Variants in GRIN2A observed in about 807,000 individuals in gnomAD.
GRIN2A encodes glutamate ionotropic receptor NMDA type subunit 2A.
A neutral mutation model predicts 113.4 loss-of-function variants in GRIN2A; 22 were observed. The ratio of observed to expected loss-of-function variants is 0.19; its 90% CI spans 0.14 to 0.28. The LOEUF (loss-of-function observed/expected upper bound fraction) is 0.28. Among genes scored for constraint, GRIN2A ranks in the 10% least tolerant of loss-of-function variants. GRIN2A has a pLI of 1.00. For missense variants in GRIN2A, 1,502 were observed against 1,887.0 expected, an observed-to-expected ratio of 0.80 and a Z score of 3.78; for synonymous variants, 827 against 738.4, an observed-to-expected ratio of 1.12 and a Z score of -1.94.
At chr16:10,008,250 A>T (rs1424630708) in intron 2 of GRIN2A, among the ~76,000 whole-genome samples, 1 of 152,174 alleles carries the variant, frequency 6.6e-6, no homozygotes. Context: ...TGGCTATGCA[A>T]CAGCTGTGCC....
intron 2 of GRIN2A, among the ~76,000 whole-genome samples, chr16:10,106,285 G>A (rs1223377295): frequency 6.7e-6 from 1 of 149,436 alleles, no homozygotes; most frequent in African/African-American, 2.5e-5. Flanking sequence ...AAAGTGGTCT[G>A]GCACAGTGGC....
chr16:9,859,448 A>G (rs951171778), intron 4 of GRIN2A, among the ~76,000 whole-genome samples: 1 of 152,112 alleles, frequency 6.6e-6, no homozygotes, highest in African/African-American at 2.4e-5. Flanking sequence ...ATATGTATAC[A>G]TATTCCTATA....
chr16:10,103,269 G>A (rs746846478), intron 2 of GRIN2A, among the ~76,000 whole-genome samples: 3 of 152,136 alleles, frequency 2.0e-5, no homozygotes, highest in Non-Finnish European at 2.9e-5. Flanking sequence ...ATGTATCACA[G>A]CCTCTGAATC....
At chr16:10,117,451 G>C (rs773426189) in intron 2 of GRIN2A, among the ~76,000 whole-genome samples, 1 of 151,598 alleles carries the variant, frequency 6.6e-6, no homozygotes, top group African/African-American at 2.4e-5. Flanking sequence ...GAGTATAGGA[G>C]AGTTATCTCT....
intron 2 of GRIN2A, among the ~76,000 whole-genome samples, chr16:10,025,099 G>T (rs1209517218): frequency 1.3e-5 from 2 of 151,972 alleles, no homozygotes; most frequent in Non-Finnish European, 2.9e-5. Flanking sequence ...GAAAAGAGAG[G>T]AGGAAAGAAG....
At chr16:9,772,593 C>T (rs891302127) in intron 11 of GRIN2A, among the ~76,000 whole-genome samples, 2 of 152,086 alleles carry the variant, frequency 1.3e-5, no homozygotes, top group South Asian at 4.1e-4. Flanking sequence ...GGCTGATGAT[C>T]TCAAACTCCT....
In GRIN2A at chr16:10,135,252, G is replaced by A. The variant is rs79967235; in HGVS notation, c.414+44746C>T. Among the ~76,000 whole-genome samples the A allele has an allele frequency of 7.4e-3, 1,126 of 152,252 alleles. 20 individuals are homozygous for A. The highest frequency in any genetic ancestry group is 0.026 in the African/African-American group (1,083 of 41,536). ...TATAACAAGGATGTCCTTTCCTCCA[G>A]TTTTCAATAACATTTCCTTCGTAGG... On this transcript the variant is annotated intron_variant, in intron 2 of 12. Coordinates refer to ENST00000330684, the MANE Select transcript of GRIN2A (RefSeq NM_001134407.3).
chr16:9,895,222 A>T (rs1310882235), intron 3 of GRIN2A, among the ~76,000 whole-genome samples: 9 of 152,360 alleles, frequency 5.9e-5, no homozygotes, highest in African/African-American at 2.2e-4. Flanking sequence ...TTCTATGGTG[A>T]TTCCATGACT....
At chr16:10,139,353 C>T (rs2049274482) in intron 2 of GRIN2A, among the ~76,000 whole-genome samples, 1 of 152,170 alleles carries the variant, frequency 6.6e-6, no homozygotes. Context: ...AGGGAAATGT[C>T]TCTTCTGAAG....
At chr16:9,968,178 A>T (rs1424770481) in intron 2 of GRIN2A, among the ~76,000 whole-genome samples, 1 of 152,182 alleles carries the variant, frequency 6.6e-6, no homozygotes, top group Non-Finnish European at 1.5e-5. Flanking sequence ...CCCCCTATCC[A>T]TTCAATGACA....
intron 2 of GRIN2A, chr16:10,121,422 G>A (rs2352755): frequency 0.84 from 128,123 of 151,918 alleles, 54,831 homozygotes; most frequent in East Asian, 0.92. Flanking sequence ...AATAACATCC[G>A]AAGATTACCC....
At chr16:10,098,596 G>GTA (rs2048338162) in intron 2 of GRIN2A, among the ~76,000 whole-genome samples, 1 of 152,150 alleles carries the variant, frequency 6.6e-6, no homozygotes, top group Non-Finnish European at 1.5e-5. Flanking sequence ...ATTGTGGTAT[G>GTA]TATATATACA....
chr16:9,763,953 A>C lies in GRIN2A; in HGVS notation c.3591T>G (p.Gly1197=). 9 of 1,614,034 alleles carry C rather than the reference A, an allele frequency of 5.6e-6. No homozygotes were observed. In the East Asian group the frequency reaches 2.0e-4, roughly 36 times the overall value. ...YSKHFTLKDK[G]SPHSETSERY... ...GCTCGCTGGTCTCACTGTGCGGGGA[A>C]CCCTTGTCTTTCAAGGTGAAGTGCT... The change falls in exon 13 of 13, where the codon GGT becomes GGG. Residue 1197 remains glycine, a synonymous_variant. Transcript: ENST00000330684.
intron 2 of GRIN2A, among the ~76,000 whole-genome samples, chr16:9,941,523 G>A (rs948938803): frequency 2.6e-5 from 4 of 152,180 alleles, no homozygotes; most frequent in Non-Finnish European, 4.4e-5. Context: ...TCCACCCCCT[G>A]TCATGCCAAA....
rs548690851 is a variant in GRIN2A at position 9,836,730 on chromosome 16, G to C, written c.1652-2500C>G. 4.6e-5 allele frequency among the ~76,000 whole-genome samples: 7 copies of C among 152,286 alleles called. No homozygotes were observed. The South Asian group carries it at 1.5e-3, about 32-fold the overall frequency. On this transcript the variant is annotated intron_variant, in intron 7 of 12. Transcript: ENST00000330684. ...CACGTGAATGCACACACATGCTCCA[G>C]AACAAAGAAACATCGTTAAAGCAAC...
intron 2 of GRIN2A, among the ~76,000 whole-genome samples, chr16:10,149,803 A>G (rs1012582599): frequency 2.0e-4 from 30 of 152,218 alleles, no homozygotes; most frequent in African/African-American, 7.0e-4. Context: ...TTAAAGACAT[A>G]AATAAAGTTA....
At chr16:10,170,374 G>A (rs966409298) in intron 2 of GRIN2A, among the ~76,000 whole-genome samples, 1 of 152,178 alleles carries the variant, frequency 6.6e-6, no homozygotes, top group Non-Finnish European at 1.5e-5. Context: ...ACTTCCACTT[G>A]TAAGGTAAAT....
intron 10 of GRIN2A, among the ~76,000 whole-genome samples, chr16:9,799,189 A>G (rs1903200981): frequency 6.6e-6 from 1 of 152,218 alleles, no homozygotes; most frequent in Admixed American, 6.5e-5. Context: ...CTGCTGTTGT[A>G]GGGTGTTATG....
intron 2 of GRIN2A, among the ~76,000 whole-genome samples, chr16:10,055,046 T>TAAAA (rs1567266287): frequency 8.0e-5 from 1 of 12,490 alleles, no homozygotes; most frequent in Admixed American, 1.7e-3. Flanking sequence ...AGACTCTATC[T>TAAAA]CAAAAAAAAA....
Sources: gnomAD v4.1 joint callset for allele counts (sites outside exome capture counted in the v4.1 genomes callset) on GRCh38, gnomAD v4.1.1 for gene constraint, MANE v1.5 for transcripts, NCBI Gene and HGNC (gene_info 2026-07-23, HGNC 2026-07-21) for gene names.